CCNB2: variants seen among roughly 807,000 people sequenced by gnomAD.
CCNB2 encodes G2/mitotic-specific cyclin-B2.
In CCNB2, 39 loss-of-function variants were observed where a neutral mutation model predicts 51.1. That is an observed-to-expected ratio of 0.76 (90% confidence interval 0.59 to 1.00). The LOEUF is 1.00. Ranked by LOEUF, CCNB2 falls within the 50% of genes least tolerant of loss-of-function variation. The pLI is 0.00. For missense variants in CCNB2, 472 were observed against 470.3 expected (o/e 1.00, Z -0.03); for synonymous variants, 174 against 165.5 (o/e 1.05, Z -0.40).
At chr15:59,116,567 C>T in intron 5 of CCNB2, 123 bp from the exon 6 acceptor site, 1 of 462,398 alleles carries the variant, frequency 2.2e-6, no homozygotes, top group Non-Finnish European at 3.8e-6. Context: ...GTCAGGTCTC[C>T]TGTGCCCTTA....
Position 59,105,253 on chromosome 15 carries a change from G to A in CCNB2, c.-16G>A. 6.4e-7 allele frequency: 1 copy of A among 1,563,882 alleles called. No homozygotes were observed. The highest frequency in any genetic ancestry group is 8.6e-7 in the Non-Finnish European group (1 of 1,156,594). ...CTCCCTGGGCCGGGCTGGCACTCTTGCCTTCCCCGTCCCTCATGGCGCTGC... is the reference window on the plus strand; with the variant it reads ...CTCCCTGGGCCGGGCTGGCACTCTTACCTTCCCCGTCCCTCATGGCGCTGC... On this transcript the variant is annotated 5_prime_UTR_variant, in exon 1 of 9. Transcript: ENST00000288207.
intron 3 of CCNB2, among the ~76,000 whole-genome samples, chr15:59,113,364 A>C (rs2079265759): frequency 1.3e-5 from 2 of 152,238 alleles, no homozygotes; most frequent in Non-Finnish European, 2.9e-5. Flanking sequence ...CAGGTGGTCA[A>C]GTTTCTTCCA....
At chr15:59,116,324 A>G (rs769133062) in intron 5 of CCNB2, among the ~76,000 whole-genome samples, 1 of 152,186 alleles carries the variant, frequency 6.6e-6, no homozygotes, top group African/African-American at 2.4e-5. Flanking sequence ...GGTTGTGGGA[A>G]GGGTGACTAG....
chr15:59,115,007 T>C (rs1292130711), intron 5 of CCNB2, 131 bp downstream of exon 5: 12 of 967,882 alleles, frequency 1.2e-5, no homozygotes, highest in African/African-American at 1.6e-5. Context: ...CCAAAGAACT[T>C]TGGGGACTAA....
intron 7 of CCNB2, among the ~76,000 whole-genome samples, chr15:59,117,813 G>A (rs1290357512): frequency 6.6e-6 from 1 of 152,156 alleles, no homozygotes; most frequent in African/African-American, 2.4e-5. Flanking sequence ...AAAACTACTT[G>A]GAGAGGGGCA....
intron 5 of CCNB2, among the ~76,000 whole-genome samples, 182 bp downstream of exon 5, chr15:59,115,058 G>A (rs917938927): frequency 4.6e-5 from 7 of 152,134 alleles, no homozygotes; most frequent in African/African-American, 1.7e-4. Context: ...TTGATGATGC[G>A]GACCAATAAT....
At chr15:59,122,517 G>A (rs186420922) in intron 7 of CCNB2, among the ~76,000 whole-genome samples, 11 of 150,070 alleles carry the variant, frequency 7.3e-5, no homozygotes, top group East Asian at 5.8e-4. Context: ...GAGCCACTGC[G>A]CCTGGCCTTT....
intron 1 of CCNB2, 104 bp downstream of exon 1, chr15:59,105,396 G>T: frequency 7.7e-7 from 1 of 1,294,678 alleles, no homozygotes; most frequent in South Asian, 1.3e-5. Context: ...AACCGGGGCT[G>T]CTTTTCTCTT....
At chr15:59,114,157 G>T (rs2079268712) in intron 3 of CCNB2, among the ~76,000 whole-genome samples, 1 of 152,308 alleles carries the variant, frequency 6.6e-6, no homozygotes, top group East Asian at 1.9e-4. Context: ...AGAGAAGCAG[G>T]AGATGGGTCA....
chr15:59,116,646 T>C (rs1175974232), intron 5 of CCNB2, 44 bp from the exon 6 acceptor site: 1 of 1,362,400 alleles, frequency 7.3e-7, no homozygotes, highest in Non-Finnish European at 1.0e-6. Context: ...AAAGCTTCAC[T>C]CTTCTTGTTA....
At chr15:59,117,129 G>T in intron 6 of CCNB2, 99 bp from the exon 7 acceptor site, 1 of 1,231,094 alleles carries the variant, frequency 8.1e-7, no homozygotes, top group South Asian at 1.3e-5. Flanking sequence ...AGAAGGATAA[G>T]TGAGTCAAGT....
intron 7 of CCNB2, 41 bp downstream of exon 7, chr15:59,117,409 T>C: frequency 6.3e-7 from 1 of 1,594,518 alleles, no homozygotes; most frequent in Non-Finnish European, 8.6e-7. Context: ...AGGCTATATT[T>C]TAGTCCTTCG....
At chr15:59,123,768 T>A in intron 8 of CCNB2, 141 bp downstream of exon 8, 1 of 627,520 alleles carries the variant, frequency 1.6e-6, no homozygotes, top group South Asian at 1.9e-5. Context: ...CCTTTATCCT[T>A]TATATTTTTC....
rs953851175 is a variant in CCNB2, at chr15:59,123,572, T to C, written c.1031T>C (p.Met344Thr). Residue 344 changes from methionine to threonine, a missense_variant, in exon 8 of 9, where the codon ATG becomes ACG. Physicochemically the swap from Met to Thr is moderately conservative, Grantham distance 81. Coordinates refer to ENST00000288207, the MANE Select transcript of CCNB2 (RefSeq NM_004701.4). Reference protein sequence around the residue: ...GYTENEVLEVMQHMAKNVVKV... With the variant: ...GYTENEVLEVTQHMAKNVVKV... ...ACAGAGAATGAAGTATTGGAAGTCA[T>C]GCAGCACATGGCCAAGAATGTGGTG... The C allele has an allele frequency of 2.0e-5, 33 of 1,613,582 alleles. No homozygotes were observed. Among genetic ancestry groups the C allele is most frequent in the Middle Eastern group, 1.6e-4 (1 of 6,062 alleles).
chr15:59,124,199 G>C (rs2079315390), intron 8 of CCNB2: 1 of 165,048 alleles, frequency 6.1e-6, no homozygotes, highest in Non-Finnish European at 1.3e-5. Flanking sequence ...ACTTAGTGCT[G>C]TCCTGTGCTT....
intron 3 of CCNB2, among the ~76,000 whole-genome samples, chr15:59,109,717 T>G (rs879710379): frequency 6.6e-6 from 1 of 152,234 alleles, no homozygotes; most frequent in Admixed American, 6.5e-5. Context: ...CCGGGTGCAG[T>G]GGCTCACGCC....
Position 59,124,826 on chromosome 15 carries a change from G to T in CCNB2, c.1146G>T (p.Leu382=). The change falls in exon 9 of 9, where the codon CTG becomes CTT. Residue 382 remains leucine, a synonymous_variant. Transcript: ENST00000288207. ...KLLKISMIPQ[L]NSKAVKDLAS... is the part of the protein sequence containing the mutation. ...TGAAGATCAGCATGATCCCTCAGCTGAACTCAAAAGCCGTCAAAGACCTTG... is the reference window on the plus strand; with the variant it reads ...TGAAGATCAGCATGATCCCTCAGCTTAACTCAAAAGCCGTCAAAGACCTTG... 6.2e-7 allele frequency: 1 copy of T among 1,610,886 alleles called. No homozygotes were observed. Among genetic ancestry groups the T allele is most frequent in the Non-Finnish European group, 8.5e-7 (1 of 1,178,580 alleles).
intron 7 of CCNB2, among the ~76,000 whole-genome samples, chr15:59,119,013 A>T (rs1263149264): frequency 6.6e-6 from 1 of 152,222 alleles, no homozygotes; most frequent in Non-Finnish European, 1.5e-5. Context: ...GGAGGAATAA[A>T]CCAGAAAGAA....
intron 7 of CCNB2, among the ~76,000 whole-genome samples, 163 bp downstream of exon 7, chr15:59,117,531 C>T (rs990154668): frequency 6.6e-6 from 1 of 152,142 alleles, no homozygotes; most frequent in Admixed American, 6.5e-5. Flanking sequence ...TGTGGTGGTG[C>T]CATCACAGCC....
Sources: allele counts gnomAD v4.1 joint callset (sites outside exome capture counted in the v4.1 genomes callset), GRCh38; gene constraint gnomAD v4.1.1; transcripts MANE v1.5; gene names NCBI Gene and HGNC (gene_info 2026-07-23, HGNC 2026-07-21).